NEBL: variants seen among roughly 807,000 people sequenced by gnomAD.
The protein encoded by NEBL is LIM and SH3 protein 2.
In NEBL, 122 loss-of-function variants were observed where a neutral mutation model predicts 140.2. That is an observed-to-expected ratio of 0.87 (90% CI 0.75 to 1.01). The LOEUF is 1.01. Ranked by LOEUF, NEBL falls within the 50% of genes least tolerant of loss-of-function variation. NEBL has a pLI of 0.00. For synonymous variants in NEBL, 436 were observed against 398.9 expected (o/e 1.09, Z -1.11); for missense variants, 1,365 against 1,231.3 (o/e 1.11, Z -1.62).
chr10:21,092,005 T>A (rs1836937587), intron 2 of NEBL, among the ~76,000 whole-genome samples: 1 of 152,230 alleles, frequency 6.6e-6, no homozygotes, highest in Non-Finnish European at 1.5e-5. Flanking sequence ...TTTAACCCTA[T>A]AACATATCTT....
chr10:20,903,047 T>C (rs898395959), intron 4 of NEBL, among the ~76,000 whole-genome samples: 7 of 152,188 alleles, frequency 4.6e-5, no homozygotes, highest in African/African-American at 1.7e-4. Flanking sequence ...TCCATAGAAA[T>C]GCAAATTATA....
At chr10:21,102,481 A>G (rs183610012) in intron 2 of NEBL, among the ~76,000 whole-genome samples, 55 of 152,306 alleles carry the variant, frequency 3.6e-4, no homozygotes, top group Middle Eastern at 3.4e-3. Context: ...GTTGCTATAG[A>G]TTCAATTGCA....
intron 2 of NEBL, among the ~76,000 whole-genome samples, chr10:21,136,829 T>C (rs1037911721): frequency 6.6e-6 from 1 of 152,212 alleles, no homozygotes; most frequent in African/African-American, 2.4e-5. Flanking sequence ...TTAATTCCTA[T>C]CTAGAGCAAA....
At chr10:21,167,484 G>A (rs531910521) in intron 2 of NEBL, among the ~76,000 whole-genome samples, 5 of 152,290 alleles carry the variant, frequency 3.3e-5, no homozygotes, top group Admixed American at 2.0e-4. Flanking sequence ...AAACTATTGC[G>A]TCGTTCCTTG....
At chr10:21,177,676 C>A (rs540656000), upstream of NEBL, among the ~76,000 whole-genome samples, 1 of 152,040 alleles carries the variant, frequency 6.6e-6, no homozygotes, top group East Asian at 1.9e-4. Flanking sequence ...ACTACAGGTG[C>A]CCACCACCAC....
intron 26 of NEBL, among the ~76,000 whole-genome samples, chr10:20,806,627 TA>T (rs1377629067): frequency 9.8e-5 from 15 of 152,338 alleles, no homozygotes; most frequent in Admixed American, 9.8e-4. Flanking sequence ...ATTACTTGTT[TA>T]AGTGTCTGCT....
intron 4 of NEBL, among the ~76,000 whole-genome samples, chr10:20,936,772 T>A (rs1834513376): frequency 6.6e-6 from 1 of 152,218 alleles, no homozygotes; most frequent in African/African-American, 2.4e-5. Flanking sequence ...TATTGCCTTT[T>A]CTGACCTTGC....
At chr10:21,168,849 C>G (rs1461223333) in intron 2 of NEBL, among the ~76,000 whole-genome samples, 4 of 150,640 alleles carry the variant, frequency 2.7e-5, no homozygotes, top group Non-Finnish European at 4.4e-5. Flanking sequence ...GAGATCGAGA[C>G]CATCCTAGCT....
At position 20,790,053 on chromosome 10, in the gene NEBL, T is replaced by C. The variant is rs373949864; in HGVS notation, c.2762-2745A>G. On this transcript the variant is annotated intron_variant, in intron 26 of 27. Transcript: ENST00000377122. ...AGGGAACCTGTGCTACTGTTAAATA[T>C]AGCAAGAAAAGAAAGTAATGTATTA... Among the ~76,000 whole-genome samples, 623 of 151,952 alleles carry C rather than the reference T, an allele frequency of 4.1e-3. 6 individuals carry two copies. The highest frequency in any genetic ancestry group is 0.014 in the African/African-American group (595 of 41,440).
intron 2 of NEBL, among the ~76,000 whole-genome samples, chr10:21,143,815 C>G (rs1839760161): frequency 6.6e-6 from 1 of 151,502 alleles, no homozygotes; most frequent in Admixed American, 6.6e-5. Context: ...TATTCTAGGA[C>G]TTAGCCCCAT....
At chr10:21,134,543 T>G (rs952932163) in intron 2 of NEBL, among the ~76,000 whole-genome samples, 2 of 152,198 alleles carry the variant, frequency 1.3e-5, no homozygotes, top group African/African-American at 4.8e-5. Context: ...CTTTAAGTCT[T>G]CTTCCAAGGA....
chr10:20,879,199 G>C (rs1845788227), intron 5 of NEBL, among the ~76,000 whole-genome samples: 1 of 152,158 alleles, frequency 6.6e-6, no homozygotes, highest in Non-Finnish European at 1.5e-5. Flanking sequence ...CAGCAAAGTG[G>C]AACAGAAAGA....
At chr10:21,093,597 G>A (rs1432647325) in intron 2 of NEBL, among the ~76,000 whole-genome samples, 1 of 152,170 alleles carries the variant, frequency 6.6e-6, no homozygotes, top group Admixed American at 6.5e-5. Context: ...AACCAGATGG[G>A]GGTCACAGCA....
rs1564518097 is a variant in NEBL at position 21,120,407 on chromosome 10, TATATATATATATATA to T, written c.164+51961_164+51975del. Among the ~76,000 whole-genome samples, 90 of 124,496 alleles carry T rather than the reference TATATATATATATATA, an allele frequency of 7.2e-4. 6 individuals carry two copies. The East Asian group carries it at 0.02, about 28-fold the overall frequency. 81.7% of individuals were successfully genotyped at this position (124,496 alleles called of 152,430 possible). A position where few individuals can be genotyped will look rare whatever the true frequency, so the allele number is the denominator to read the frequency against. ...AAAAAAAAATACATATATATATATA[TATATATATATATATA>T]TAAATTTGATCACTGGTTTAAAGTA... On this transcript the variant is annotated intron_variant, in intron 2 of 6. Coordinates refer to the NEBL transcript ENST00000417816.
chr10:21,101,752 A>C (rs543229143), intron 2 of NEBL, among the ~76,000 whole-genome samples: 60 of 152,324 alleles, frequency 3.9e-4, no homozygotes, highest in African/African-American at 1.4e-3. Context: ...CGCCACTAAA[A>C]CAACTTTGTG....
chr10:21,256,369 C>T (rs531680888), intron 1 of NEBL, among the ~76,000 whole-genome samples: 59 of 152,254 alleles, frequency 3.9e-4, no homozygotes, highest in Middle Eastern at 3.4e-3. Context: ...CACCCAGCCT[C>T]TTTTTATTTC....
chr10:21,200,606 G>A lies in NEBL; in HGVS notation n.349-28129C>T, dbSNP rs148621369. Among the ~76,000 whole-genome samples the A allele has an allele frequency of 8.2e-4, 125 of 152,210 alleles. 2 individuals carry two copies. In the East Asian group the frequency reaches 0.019, roughly 23 times the overall value. ...TGGGATTATAGGCGTGAGCCACCGC[G>A]CCCAACCCCACGGGAATTTTAAGAT... On this transcript the variant is annotated intron_variant and non_coding_transcript_variant, in intron 3 of 8. Transcript: ENST00000675702.
intron 2 of NEBL, among the ~76,000 whole-genome samples, chr10:21,053,221 TC>T (rs765835808): frequency 1.4e-4 from 22 of 152,304 alleles, no homozygotes; most frequent in Non-Finnish European, 2.5e-4. Context: ...CCCCCTACCA[TC>T]TTGAGCATAT....
chr10:20,819,071 T>C, intron 20 of NEBL: 4 of 1,028,754 alleles, frequency 3.9e-6, no homozygotes, highest in Non-Finnish European at 4.8e-6. Flanking sequence ...TCATTTTCTT[T>C]TAAAACTTTT....
Sources: gnomAD v4.1 joint callset for allele counts (sites outside exome capture counted in the v4.1 genomes callset) on GRCh38, gnomAD v4.1.1 for gene constraint, MANE v1.5 for transcripts, NCBI Gene and HGNC (gene_info 2026-07-23, HGNC 2026-07-21) for gene names.